CNTN5: variants seen among roughly 807,000 people sequenced by gnomAD.
CNTN5 encodes the protein contactin-5.
Under a neutral mutation model 129.1 loss-of-function variants are expected in CNTN5, and 77 were observed. That is an observed-to-expected ratio of 0.60 (90% CI 0.50 to 0.72). CNTN5 has a LOEUF of 0.72. Among genes scored for constraint, CNTN5 ranks in the 30% least tolerant of loss-of-function variants. CNTN5 has a pLI of 0.00. For missense variants in CNTN5, 1,478 were observed against 1,328.8 expected, an observed-to-expected ratio of 1.11 and a Z score of -1.75; for synonymous variants, 509 against 465.6, an observed-to-expected ratio of 1.09 and a Z score of -1.20.
intron 15 of CNTN5, among the ~76,000 whole-genome samples, chr11:100,201,251 A>G (rs1329225045): frequency 6.6e-6 from 1 of 151,952 alleles, no homozygotes; most frequent in Non-Finnish European, 1.5e-5. Flanking sequence ...ATTTCTATTG[A>G]TTATCCTGTA....
intron 3 of CNTN5, among the ~76,000 whole-genome samples, chr11:99,665,478 A>AT (rs34435537): frequency 0.026 from 1,716 of 65,660 alleles, 35 homozygotes; most frequent in African/African-American, 0.043. Flanking sequence ...TGAAACTACA[A>AT]TTTTTTTTTT....
At chr11:99,726,479 A>G (rs1212694056) in intron 3 of CNTN5, among the ~76,000 whole-genome samples, 1 of 152,232 alleles carries the variant, frequency 6.6e-6, no homozygotes, top group African/African-American at 2.4e-5. Context: ...AAAACGAAAT[A>G]GAACAATTTG....
At chr11:99,936,014 T>C (rs1379496777) in intron 7 of CNTN5, among the ~76,000 whole-genome samples, 1 of 152,208 alleles carries the variant, frequency 6.6e-6, no homozygotes, top group Non-Finnish European at 1.5e-5. Flanking sequence ...CTGTCTACTT[T>C]TACGTTGTAT....
intron 7 of CNTN5, among the ~76,000 whole-genome samples, chr11:99,935,339 A>G (rs968726411): frequency 2.0e-5 from 3 of 152,036 alleles, no homozygotes; most frequent in African/African-American, 7.2e-5. Flanking sequence ...AGTTTATTAC[A>G]TATAATACAT....
chr11:99,181,637 C>G (rs1391479100), intron 1 of CNTN5, among the ~76,000 whole-genome samples: 17 of 152,082 alleles, frequency 1.1e-4, no homozygotes, highest in Admixed American at 1.1e-3. Flanking sequence ...ACAGGTTATT[C>G]TCTGTAATAA....
At position 99,662,281 on chromosome 11, in the gene CNTN5, G is replaced by T. The variant is rs181270787; in HGVS notation, c.55+106012G>T. On this transcript the variant is annotated intron_variant, in intron 3 of 24. Coordinates refer to ENST00000524871, the MANE Select transcript of CNTN5 (RefSeq NM_014361.4). ...AGCAGTGCAAGTGACTAATAAGGGG[G>T]GATTGATTAGGAATATTTGGTATAT... Among the ~76,000 whole-genome samples the T allele has an allele frequency of 9.9e-5, 15 of 152,100 alleles. No homozygotes were observed. The East Asian group carries it at 2.3e-3, about 23-fold the overall frequency.
chr11:99,540,476 ACT>A (rs1948062031), intron 2 of CNTN5, among the ~76,000 whole-genome samples: 1 of 152,172 alleles, frequency 6.6e-6, no homozygotes, highest in Non-Finnish European at 1.5e-5. Context: ...CAGGAGACAC[ACT>A]CATAATTGCT....
chr11:99,790,543 G>A (rs185744334), intron 3 of CNTN5, among the ~76,000 whole-genome samples: 42 of 152,184 alleles, frequency 2.8e-4, no homozygotes, highest in African/African-American at 9.1e-4. Context: ...TAGCGTGTGT[G>A]TATCACATTT....
intron 1 of CNTN5, among the ~76,000 whole-genome samples, chr11:99,206,705 C>T (rs1456011887): frequency 6.6e-6 from 1 of 152,066 alleles, no homozygotes; most frequent in Non-Finnish European, 1.5e-5. Flanking sequence ...TGCATGTTTT[C>T]TGTGACTTGT....
chr11:99,883,416 G>C (rs1450473931), intron 6 of CNTN5, among the ~76,000 whole-genome samples: 2 of 152,144 alleles, frequency 1.3e-5, no homozygotes, highest in East Asian at 3.9e-4. Context: ...GTTTTAACAG[G>C]GGTGAGATGA....
chr11:99,761,743 A>T lies in CNTN5; in HGVS notation c.56-57801A>T, dbSNP rs558078404. Among the ~76,000 whole-genome samples, 527 of 147,282 alleles carry T rather than the reference A, an allele frequency of 3.6e-3. 4 individuals carry two copies. Among genetic ancestry groups the T allele is most frequent in the African/African-American group, 0.012 (493 of 39,844 alleles). ...TAAACATACGTGTGCATGTGTCTTT[A>T]TAGCAGCATGATTTATAGTCCTTTG... On this transcript the variant is annotated intron_variant, in intron 3 of 24. Coordinates refer to ENST00000524871, the MANE Select transcript of CNTN5 (RefSeq NM_014361.4).
rs780533843 is a variant in CNTN5, at chr11:99,956,961, A to T, written c.829A>T (p.Asn277Tyr). The change falls in exon 8 of 25, where the codon AAT becomes TAT. Residue 277 changes from asparagine to tyrosine, a missense_variant. Transcript: ENST00000524871. ...YICLVKNTVT[N>Y]ARVLSPPTPL... ...TTGTCTGGTGAAAAACACAGTGACG[A>T]ATGCTAGAGTCCTTAGTCCTCCAAC... 4.3e-6 allele frequency: 7 copies of T among 1,613,782 alleles called. No homozygotes were observed. Among genetic ancestry groups the T allele is most frequent in the Non-Finnish European group, 5.9e-6 (7 of 1,179,842 alleles).
At chr11:99,484,158 C>T (rs1416903116) in intron 2 of CNTN5, among the ~76,000 whole-genome samples, 1 of 151,768 alleles carries the variant, frequency 6.6e-6, no homozygotes. Flanking sequence ...ATACAAAGAA[C>T]TCAAAAAGCT....
intron 16 of CNTN5, among the ~76,000 whole-genome samples, chr11:100,238,335 A>G (rs1030281078): frequency 7.7e-5 from 11 of 142,944 alleles, no homozygotes; most frequent in Non-Finnish European, 1.3e-4. Flanking sequence ...ATGGGATTTT[A>G]TTCTCACTCT....
intron 1 of CNTN5, among the ~76,000 whole-genome samples, chr11:99,292,745 C>G (rs1171348660): frequency 1.3e-5 from 2 of 152,126 alleles, no homozygotes; most frequent in African/African-American, 4.8e-5. Flanking sequence ...TCTAGGCTTA[C>G]CAGCCTTGAC....
chr11:99,957,414 T>G (rs1950831797), intron 8 of CNTN5, among the ~76,000 whole-genome samples: 1 of 152,236 alleles, frequency 6.6e-6, no homozygotes, highest in Non-Finnish European at 1.5e-5. Flanking sequence ...ATGCTCAGGT[T>G]TTAATACTTC....
intron 23 of CNTN5, among the ~76,000 whole-genome samples, chr11:100,342,209 T>A (rs1002624468): frequency 6.7e-6 from 1 of 148,976 alleles, no homozygotes; most frequent in Non-Finnish European, 1.5e-5. Flanking sequence ...GTCGGGAATA[T>A]TGAATTTGAT....
intron 3 of CNTN5, among the ~76,000 whole-genome samples, chr11:99,683,947 G>A (rs1953672954): frequency 6.6e-6 from 1 of 151,496 alleles, no homozygotes; most frequent in African/African-American, 2.4e-5. Flanking sequence ...TATTTTTTTG[G>A]TGACGGAAAC....
At chr11:99,290,009 A>G (rs1289811415) in intron 1 of CNTN5, among the ~76,000 whole-genome samples, 1 of 151,746 alleles carries the variant, frequency 6.6e-6, no homozygotes, top group Admixed American at 6.6e-5. Context: ...TCCTTTTTTT[A>G]AATTGTATAA....
Sources: gnomAD v4.1 joint callset for allele counts (sites outside exome capture counted in the v4.1 genomes callset) on GRCh38, gnomAD v4.1.1 for gene constraint, MANE v1.5 for transcripts, NCBI Gene and HGNC (gene_info 2026-07-23, HGNC 2026-07-21) for gene names.